The following PRKCA variants were observed in gnomAD, a reference collection of about 807,000 sequenced individuals.
PRKCA encodes the protein protein kinase C alpha.
PRKCA carries 27 observed loss-of-function variants against 87.0 expected under a neutral mutation model. The ratio of observed to expected loss-of-function variants is 0.31; its 90% CI spans 0.23 to 0.43. PRKCA has a LOEUF of 0.43. Ranked by LOEUF, PRKCA falls within the 20% of genes least tolerant of loss-of-function variation. PRKCA has a pLI of 1.00. For missense variants in PRKCA, 518 were observed against 852.3 expected (o/e 0.61, Z 4.88); for synonymous variants, 329 against 311.1 (o/e 1.06, Z -0.61).
intron 8 of PRKCA, among the ~76,000 whole-genome samples, chr17:66,696,897 G>A (rs1972937843): frequency 6.6e-6 from 1 of 152,178 alleles, no homozygotes; most frequent in African/African-American, 2.4e-5. Flanking sequence ...GTGATCGAGA[G>A]CTTTGGCATC....
intron 8 of PRKCA, among the ~76,000 whole-genome samples, chr17:66,710,867 C>CA (rs1190986357): frequency 6.8e-5 from 10 of 146,434 alleles, no homozygotes; most frequent in Non-Finnish European, 7.5e-5. Flanking sequence ...CCGTCTCTAC[C>CA]AAAAAACAAA....
chr17:66,726,477 G>A (rs926299027), intron 8 of PRKCA, among the ~76,000 whole-genome samples: 7 of 152,216 alleles, frequency 4.6e-5, no homozygotes, highest in African/African-American at 1.7e-4. Context: ...AGGAAGGAGT[G>A]TTGGGGTTTC....
intron 13 of PRKCA, among the ~76,000 whole-genome samples, chr17:66,755,240 G>A (rs186200735): frequency 1.2e-3 from 184 of 152,142 alleles, no homozygotes; most frequent in African/African-American, 4.2e-3. Context: ...CGCACCCCAC[G>A]CCCCCCCAGT....
chr17:66,693,389 T>C (rs1972831194), intron 8 of PRKCA, among the ~76,000 whole-genome samples: 1 of 152,240 alleles, frequency 6.6e-6, no homozygotes, highest in Admixed American at 6.5e-5. Flanking sequence ...ATTTTTCCAT[T>C]TGTTAAAAAA....
chr17:66,714,928 T>A (rs1233568107), intron 8 of PRKCA, among the ~76,000 whole-genome samples: 1 of 152,124 alleles, frequency 6.6e-6, no homozygotes, highest in Non-Finnish European at 1.5e-5. Context: ...GGCCCCTTGG[T>A]TTTAAAAACT....
intron 2 of PRKCA, among the ~76,000 whole-genome samples, chr17:66,481,872 G>A (rs1023089938): frequency 1.3e-5 from 2 of 152,118 alleles, no homozygotes; most frequent in Non-Finnish European, 2.9e-5. Context: ...GGAGGCAGAG[G>A]TGGGTGGATC....
In PRKCA at chr17:66,677,094, T is replaced by TATTTATTTATTTATTGATTG. The variant is rs1251679534; in HGVS notation, c.530-10014_530-10013insTATTTATTTATTGATTGATT. 1.4e-4 allele frequency: 22 copies of TATTTATTTATTTATTGATTG among 152,136 alleles called. No individual in the cohort carries two copies. The East Asian group carries it at 3.5e-3, about 24-fold the overall frequency. 9.4% of individuals were successfully genotyped at this position (152,136 alleles called of 1,614,324 possible). ...GCTTATTTTTATTTATTTATTTATT[T>TATTTATTTATTTATTGATTG]ATTGAGACTGAGTCTCGCTCTGTCG... On this transcript the variant is annotated intron_variant, in intron 5 of 16. Transcript: ENST00000413366.
chr17:66,535,380 A>G (rs8066289), intron 3 of PRKCA, among the ~76,000 whole-genome samples: 21,455 of 152,228 alleles, frequency 0.14, 1,748 homozygotes, highest in East Asian at 0.26. Flanking sequence ...CCTCAAGCCA[A>G]CATATGGCAG....
chr17:66,433,547 A>G (rs1194620818), intron 2 of PRKCA, among the ~76,000 whole-genome samples: 1 of 151,714 alleles, frequency 6.6e-6, no homozygotes, highest in Non-Finnish European at 1.5e-5. Flanking sequence ...AGTTTTTTTC[A>G]TTTTTGTTTT....
chr17:66,310,530 T>C (rs1905041562), intron 2 of PRKCA, among the ~76,000 whole-genome samples: 1 of 152,200 alleles, frequency 6.6e-6, no homozygotes, highest in Non-Finnish European at 1.5e-5. Context: ...TTTTCAGTGT[T>C]AAGGGTTAAA....
chr17:66,329,682 A>G (rs1282984934), intron 2 of PRKCA, among the ~76,000 whole-genome samples: 3 of 152,182 alleles, frequency 2.0e-5, no homozygotes, highest in African/African-American at 7.2e-5. Context: ...TGCCATAGGT[A>G]GGACAAGGTT....
chr17:66,709,391 A>G (rs1973269659), intron 8 of PRKCA, among the ~76,000 whole-genome samples: 1 of 139,778 alleles, frequency 7.2e-6, no homozygotes, highest in Non-Finnish European at 1.5e-5. Flanking sequence ...AGCTCACTGC[A>G]ACCTCCACTC....
chr17:66,477,176 C>T (rs1383414191), intron 2 of PRKCA, among the ~76,000 whole-genome samples: 1 of 152,136 alleles, frequency 6.6e-6, no homozygotes, highest in East Asian at 1.9e-4. Context: ...TTCAAAGATC[C>T]ATGCTTAGAC....
intron 10 of PRKCA, among the ~76,000 whole-genome samples, chr17:66,737,433 A>G (rs1001712646): frequency 6.6e-6 from 1 of 152,058 alleles, no homozygotes; most frequent in East Asian, 1.9e-4. Flanking sequence ...TGGTCTTTCC[A>G]CTCCTCAGAG....
chr17:66,320,910 T>A (rs1905616978), intron 2 of PRKCA, among the ~76,000 whole-genome samples: 1 of 152,188 alleles, frequency 6.6e-6, no homozygotes, highest in South Asian at 2.1e-4. Context: ...TCATGGAGCT[T>A]ATTATTTGGT....
chr17:66,758,391 T>C (rs1974606060), intron 13 of PRKCA, among the ~76,000 whole-genome samples: 1 of 152,184 alleles, frequency 6.6e-6, no homozygotes, highest in Non-Finnish European at 1.5e-5. Flanking sequence ...GGGAAGAAAT[T>C]TGATGGTGAG....
At chr17:66,618,354 A>T (rs1470969516) in intron 3 of PRKCA, among the ~76,000 whole-genome samples, 1 of 6,700 alleles carries the variant, frequency 1.5e-4, no homozygotes, top group Non-Finnish European at 4.6e-4. Context: ...ACCCTATCGC[A>T]AAAAAAAAAA....
At chr17:66,396,021 T>A (rs1910643828) in intron 2 of PRKCA, among the ~76,000 whole-genome samples, 1 of 151,672 alleles carries the variant, frequency 6.6e-6, no homozygotes, top group South Asian at 2.1e-4. Flanking sequence ...AGGCAGCATG[T>A]CTGTTTTTAG....
chr17:66,342,697 C>T (rs2094584007), intron 2 of PRKCA, among the ~76,000 whole-genome samples: 1 of 152,024 alleles, frequency 6.6e-6, no homozygotes, highest in Non-Finnish European at 1.5e-5. Context: ...GTGTCCACAT[C>T]TTTGATAGTA....
Sources: allele counts gnomAD v4.1 joint callset (sites outside exome capture counted in the v4.1 genomes callset), GRCh38; gene constraint gnomAD v4.1.1; transcripts MANE v1.5; gene names NCBI Gene and HGNC (gene_info 2026-07-23, HGNC 2026-07-21).